The following TNRC6B variants were observed in gnomAD, a reference collection of about 807,000 sequenced individuals.
TNRC6B encodes the protein trinucleotide repeat-containing gene 6B protein.
Under a neutral mutation model 203.6 loss-of-function variants are expected in TNRC6B, and 52 were observed. That is an observed-to-expected ratio of 0.26 (90% CI 0.20 to 0.32). The LOEUF is 0.32. Among genes scored for constraint, TNRC6B ranks in the 10% least tolerant of loss-of-function variants. The probability of loss-of-function intolerance (pLI) is 1.00; values close to 1 mark genes in which losing one functional copy is unlikely to be tolerated. For missense variants in TNRC6B, 1,923 were observed against 2,286.2 expected, an observed-to-expected ratio of 0.84 and a Z score of 3.24; for synonymous variants, 838 against 845.7, an observed-to-expected ratio of 0.99 and a Z score of 0.16.
intron 20 of TNRC6B, 52 bp downstream of exon 20, chr22:40,315,559 T>C: frequency 1.3e-6 from 2 of 1,567,272 alleles, no homozygotes; most frequent in Non-Finnish European, 8.7e-7. Flanking sequence ...AAGGGGCTTA[T>C]GTTAACACAG....
chr22:40,269,282 G>A (rs1306706521), intron 5 of TNRC6B, among the ~76,000 whole-genome samples: 7 of 151,770 alleles, frequency 4.6e-5, no homozygotes, highest in Admixed American at 3.9e-4. Flanking sequence ...ACAGGCATGC[G>A]TCGTCACGCC....
intron 1 of TNRC6B, among the ~76,000 whole-genome samples, chr22:40,084,894 G>C (rs893138375): frequency 1.4e-4 from 21 of 152,164 alleles, no homozygotes; most frequent in African/African-American, 4.8e-4. Flanking sequence ...CCTCCAAGAT[G>C]GCCCAGTGGT....
chr22:40,264,648 G>GGGT (rs1404389766), intron 4 of TNRC6B, 40 bp from the exon 5 acceptor site: 2 of 1,534,414 alleles, frequency 1.3e-6, no homozygotes, highest in East Asian at 4.5e-5. Context: ...GGTAATGAAT[G>GGGT]CATTTGAAGC....
chr22:40,245,676 A>G (rs565007856), intron 1 of TNRC6B, among the ~76,000 whole-genome samples: 1 of 152,102 alleles, frequency 6.6e-6, no homozygotes, highest in East Asian at 1.9e-4. Context: ...ATATTGTCGT[A>G]TTCAAATCAG....
Position 40,265,555 on chromosome 22 carries a change from A to T in TNRC6B, c.1325A>T (p.Asn442Ile). The T allele has an allele frequency of 6.2e-7, 1 of 1,613,902 alleles. No individual in the cohort carries two copies. The highest frequency in any genetic ancestry group is 1.3e-5 in the African/African-American group (1 of 75,028). Residue 442 changes from asparagine (N) to isoleucine (I), a missense_variant, in exon 5 of 23, where the codon AAT becomes ATT. Coordinates refer to ENST00000454349, the MANE Select transcript of TNRC6B (RefSeq NM_001162501.2). ...ACTGACACAGTCTCTGGACAAAGCA[A>T]TTCTGGAAACAATGGGAACAATGGA... is the stretch of plus-strand genomic sequence containing the variant. ...SGTDTVSGQS[N>I]SGNNGNNGKE...
At chr22:40,068,826 C>T (rs1179228129) in intron 1 of TNRC6B, among the ~76,000 whole-genome samples, 2 of 151,918 alleles carry the variant, frequency 1.3e-5, no homozygotes, top group African/African-American at 2.4e-5. Flanking sequence ...TGAAGTAGTC[C>T]TCCCTGCCTC....
chr22:40,301,063 G>A (rs950134574), intron 14 of TNRC6B, 58 bp downstream of exon 14: 4 of 1,576,984 alleles, frequency 2.5e-6, no homozygotes, highest in Admixed American at 3.7e-5. Flanking sequence ...TCCCGGCTTA[G>A]CCTCTGATGG....
At position 40,331,427 on chromosome 22, in the gene TNRC6B, A is replaced by C; in HGVS notation, c.*8186A>C. The stretch of plus-strand genomic sequence containing the variant: ...TCTCCCCACTCCTATCTTCTAAAGA[A>C]ATATCAAGCAAATGCTAAGGGCCAT... On this transcript the variant is annotated 3_prime_UTR_variant, in exon 23 of 23. Coordinates refer to ENST00000454349, the MANE Select transcript of TNRC6B (RefSeq NM_001162501.2). 3.0e-6 allele frequency: 1 copy of C among 329,544 alleles called. No individual in the cohort carries two copies. The highest frequency in any genetic ancestry group is 5.5e-6 in the Non-Finnish European group (1 of 181,702). The allele number at this position is 329,544 out of a possible 1,614,324, so 20.4% of individuals were successfully genotyped here. A position where few individuals can be genotyped will look rare whatever the true frequency, so the allele number is the denominator to read the frequency against.
intron 1 of TNRC6B, among the ~76,000 whole-genome samples, chr22:40,210,543 T>C (rs1245584571): frequency 6.6e-6 from 1 of 152,238 alleles, no homozygotes; most frequent in Non-Finnish European, 1.5e-5. Flanking sequence ...GTAAAAATTA[T>C]TTTCTTTACC....
At chr22:40,134,565 C>T (rs1416099461) in intron 3 of TNRC6B, among the ~76,000 whole-genome samples, 2 of 152,062 alleles carry the variant, frequency 1.3e-5, no homozygotes, top group East Asian at 1.9e-4. Context: ...GTTAATGTAT[C>T]GGGTTGGGGG....
At position 40,106,603 on chromosome 22, in the gene TNRC6B, G is replaced by T. The variant is rs6001769; in HGVS notation, c.-120-10452G>T. ...TGAATTCTCCATAACCACGCTTGTA[G>T]ATAAGTTCATTTAGTGACTTTAGAT... On this transcript the variant is annotated intron_variant, in intron 1 of 23. Transcript: ENST00000301923. 4 of 727,974 alleles carry T rather than the reference G, an allele frequency of 5.5e-6. No homozygotes were observed. The South Asian group carries it at 5.7e-5, about 10-fold the overall frequency. The allele number at this position is 727,974 out of a possible 1,614,324, so 45.1% of individuals were successfully genotyped here. A position where few individuals can be genotyped will look rare whatever the true frequency, so the allele number is the denominator to read the frequency against.
Position 40,200,535 on chromosome 22 carries a change from G to A in TNRC6B, c.5+22395G>A, listed in dbSNP as rs185429027. ...ACTCCTGACCTCAGGTGATCTGCCC[G>A]CCTCGGCCTCCCAAAGTGCTGGGAT... On this transcript the variant is annotated intron_variant, in intron 1 of 22. Coordinates refer to ENST00000454349, the MANE Select transcript of TNRC6B (RefSeq NM_001162501.2). Among the ~76,000 whole-genome samples, 375 of 151,704 alleles carry A rather than the reference G, an allele frequency of 2.5e-3. 1 individual carries two copies. The highest frequency in any genetic ancestry group is 8.1e-3 in the African/African-American group (334 of 41,402).
chr22:40,229,648 T>C (rs2069840278), intron 1 of TNRC6B, among the ~76,000 whole-genome samples: 1 of 152,202 alleles, frequency 6.6e-6, no homozygotes, highest in African/African-American at 2.4e-5. Flanking sequence ...TAACCATTGA[T>C]GTGCTTTCTG....
intron 2 of TNRC6B, among the ~76,000 whole-genome samples, chr22:40,124,613 G>A (rs538538774): frequency 6.6e-6 from 1 of 152,038 alleles, no homozygotes; most frequent in Admixed American, 6.5e-5. Flanking sequence ...CACTGCACCT[G>A]GCCTTTTTTA....
intron 1 of TNRC6B, among the ~76,000 whole-genome samples, chr22:40,071,881 C>T (rs982200537): frequency 2.0e-5 from 3 of 152,198 alleles, no homozygotes; most frequent in Middle Eastern, 3.4e-3. Flanking sequence ...GTTTCGAGAC[C>T]GGATCTTGCT....
intron 7 of TNRC6B, 89 bp from the exon 8 acceptor site, chr22:40,276,988 T>C: frequency 1.0e-6 from 1 of 974,462 alleles, no homozygotes; most frequent in Non-Finnish European, 1.4e-6. Flanking sequence ...AAAGGTAAAC[T>C]CAAGTCTACA....
intron 1 of TNRC6B, among the ~76,000 whole-genome samples, chr22:40,208,626 T>C (rs922584014): frequency 9.9e-5 from 15 of 151,832 alleles, no homozygotes; most frequent in Non-Finnish European, 1.5e-4. Context: ...GCTTGTGGAG[T>C]AGGGAAAGGT....
At chr22:40,158,006 T>C (rs1014317024) in intron 4 of TNRC6B, among the ~76,000 whole-genome samples, 3 of 152,034 alleles carry the variant, frequency 2.0e-5, no homozygotes, top group Admixed American at 1.3e-4. Flanking sequence ...AATACTGTTG[T>C]TAGTAAAACT....
At chr22:40,092,528 A>G (rs1187412063) in intron 1 of TNRC6B, among the ~76,000 whole-genome samples, 1 of 152,140 alleles carries the variant, frequency 6.6e-6, no homozygotes, top group Non-Finnish European at 1.5e-5. Flanking sequence ...AATTAATTAG[A>G]GATGGGTTGT....
Sources: gnomAD v4.1 joint callset for allele counts (sites outside exome capture counted in the v4.1 genomes callset) on GRCh38, gnomAD v4.1.1 for gene constraint, MANE v1.5 for transcripts, NCBI Gene and HGNC (gene_info 2026-07-23, HGNC 2026-07-21) for gene names.